The following FAM117A variants were observed in gnomAD, a reference collection of about 807,000 sequenced individuals.
The protein encoded by FAM117A is protein FAM117A.
A neutral mutation model predicts 44.1 loss-of-function variants in FAM117A; 21 were observed. That is an observed-to-expected ratio of 0.48 (90% CI 0.34 to 0.69). FAM117A has a LOEUF of 0.69. Ranked by LOEUF, FAM117A falls within the 30% of genes least tolerant of loss-of-function variation. The pLI, the probability that FAM117A is intolerant of heterozygous loss-of-function variation, is 0.01. For missense variants in FAM117A, 498 were observed against 589.9 expected, an observed-to-expected ratio of 0.84 and a Z score of 1.61; for synonymous variants, 220 against 238.3, an observed-to-expected ratio of 0.92 and a Z score of 0.71.
At chr17:49,787,845 C>T (rs1001014931) in intron 1 of FAM117A, among the ~76,000 whole-genome samples, 3 of 152,202 alleles carry the variant, frequency 2.0e-5, no homozygotes, top group Non-Finnish European at 4.4e-5. Context: ...ACATTCCTTC[C>T]TCTTCCTCCG....
At position 49,763,123 on chromosome 17, in the gene FAM117A, TACACACACACACACAC is replaced by T. The variant is rs10603200; in HGVS notation, c.196+753_196+768del. ...AAAACTGCCCAGGTCTCCCCCCCGC[TACACACACACACACAC>T]ACACACACACACACACACACACACG... is the stretch of plus-strand genomic sequence containing the variant. On this transcript the variant is annotated intron_variant, in intron 1 of 7. Transcript: ENST00000240364. Among the ~76,000 whole-genome samples, 50 of 141,064 alleles carry T rather than the reference TACACACACACACACAC, an allele frequency of 3.5e-4. 1 individual carries two copies. The highest frequency in any genetic ancestry group is 6.6e-4 in the African/African-American group (25 of 37,918). The allele number at this position is 141,064 out of a possible 152,430, so 92.5% of individuals were successfully genotyped here.
At chr17:49,730,743 A>G (rs2073581105) in intron 2 of FAM117A, among the ~76,000 whole-genome samples, 1 of 152,222 alleles carries the variant, frequency 6.6e-6, no homozygotes. Context: ...TCCAAAGGAT[A>G]AAGGGAATGG....
intron 7 of FAM117A, among the ~76,000 whole-genome samples, chr17:49,714,557 C>T (rs1046409208): frequency 3.3e-5 from 5 of 151,832 alleles, no homozygotes; most frequent in Admixed American, 2.6e-4. Flanking sequence ...AGGCTGGTCT[C>T]GAACTCCTGG....
intron 1 of FAM117A, among the ~76,000 whole-genome samples, chr17:49,782,128 C>T (rs978879819): frequency 4.6e-5 from 7 of 152,024 alleles, no homozygotes; most frequent in Non-Finnish European, 4.4e-5. Context: ...GTAATCCCAG[C>T]ACTTTGGGAG....
intron 1 of FAM117A, among the ~76,000 whole-genome samples, chr17:49,778,277 C>A (rs1432609310): frequency 6.6e-6 from 1 of 152,202 alleles, no homozygotes; most frequent in East Asian, 1.9e-4. Context: ...GAACACATTT[C>A]TTGAGTCCCT....
At chr17:49,718,441 G>A (rs891890249) in intron 5 of FAM117A, among the ~76,000 whole-genome samples, 1 of 152,146 alleles carries the variant, frequency 6.6e-6, no homozygotes, top group Non-Finnish European at 1.5e-5. Context: ...GGCTGAGGCG[G>A]GCGGATCACG....
intron 1 of FAM117A, among the ~76,000 whole-genome samples, chr17:49,736,781 C>T (rs568790196): frequency 3.9e-5 from 6 of 152,346 alleles, no homozygotes; most frequent in African/African-American, 1.4e-4. Context: ...CCTTCTGCAT[C>T]CACTGGAATC....
chr17:49,732,813 G>A, intron 1 of FAM117A, 93 bp from the exon 2 acceptor site: 1 of 1,362,194 alleles, frequency 7.3e-7, no homozygotes, highest in Non-Finnish European at 1.0e-6. Flanking sequence ...TGGCCTGCCT[G>A]CCCCGTCTTC....
intron 1 of FAM117A, 74 bp downstream of exon 1, chr17:49,763,818 T>TC: frequency 1.1e-5 from 2 of 190,368 alleles, no homozygotes; most frequent in Non-Finnish European, 1.5e-5. Flanking sequence ...CTTCTCCCCG[T>TC]CCCCCTCCCG....
At chr17:49,784,891 C>T (rs2073801099) in intron 1 of FAM117A, among the ~76,000 whole-genome samples, 1 of 152,130 alleles carries the variant, frequency 6.6e-6, no homozygotes, top group Admixed American at 6.5e-5. Flanking sequence ...TGCCTGGTAC[C>T]TGGGTGATTA....
intron 1 of FAM117A, among the ~76,000 whole-genome samples, chr17:49,780,608 G>C (rs2073786887): frequency 6.6e-6 from 1 of 152,194 alleles, no homozygotes; most frequent in Admixed American, 6.5e-5. Flanking sequence ...GGCCTCAAGT[G>C]ATCTGCCTGT....
In FAM117A at chr17:49,733,532, G is replaced by C. The variant is rs1348756191; in HGVS notation, c.197-812C>G. ...TACTAAAAATACAAAAATTAGCCGG[G>C]CGTGGTGGAGGGTGCCTGTAATCCC... On this transcript the variant is annotated intron_variant, in intron 1 of 7. Coordinates refer to ENST00000240364, the MANE Select transcript of FAM117A (RefSeq NM_030802.4). 2.0e-5 allele frequency among the ~76,000 whole-genome samples: 3 copies of C among 151,994 alleles called. No individual in the cohort carries two copies. In the East Asian group the frequency reaches 5.8e-4, roughly 29 times the overall value.
chr17:49,719,261 CAA>C (rs1287097718), intron 5 of FAM117A, among the ~76,000 whole-genome samples: 6 of 133,426 alleles, frequency 4.5e-5, no homozygotes, highest in Admixed American at 7.5e-5. Context: ...AACTCCATCT[CAA>C]AAAAAAAAAA....
chr17:49,778,058 A>T (rs924207861), intron 1 of FAM117A, among the ~76,000 whole-genome samples: 6 of 152,238 alleles, frequency 3.9e-5, no homozygotes, highest in Non-Finnish European at 1.5e-5. Flanking sequence ...TGATCTCAAA[A>T]GGTCAACGGA....
At chr17:49,745,557 G>A (rs1337505770) in intron 1 of FAM117A, among the ~76,000 whole-genome samples, 3 of 152,178 alleles carry the variant, frequency 2.0e-5, no homozygotes, top group Non-Finnish European at 4.4e-5. Flanking sequence ...ATCTCCTAAA[G>A]TGACATTTTA....
rs776202306 is a variant in FAM117A at position 49,720,357 on chromosome 17, A to T, written c.542T>A (p.Leu181Gln). The T allele has an allele frequency of 3.1e-6, 5 of 1,613,916 alleles. No individual in the cohort carries two copies. Among genetic ancestry groups the T allele is most frequent in the Non-Finnish European group, 4.2e-6 (5 of 1,179,984 alleles). ...TGCTCCCCGCACTGCGTGGTCCCCT[A>T]GGAGTGGTGAACCTCGCTCCTTCTC... ...GKEKERGSPL[L>Q]GDHAVRGALR... is the part of the protein sequence containing the mutation. The change falls in exon 4 of 8, where the codon CTA (leucine) becomes CAA (glutamine). Residue 181 changes from leucine to glutamine, a missense_variant. Transcript: ENST00000240364.
intron 1 of FAM117A, among the ~76,000 whole-genome samples, chr17:49,752,082 C>T (rs1567834191): frequency 6.6e-6 from 1 of 151,952 alleles, no homozygotes; most frequent in Non-Finnish European, 1.5e-5. Context: ...ATAGTGAGAT[C>T]CCATCTCTAT....
intron 1 of FAM117A, among the ~76,000 whole-genome samples, chr17:49,743,856 G>A (rs1412919852): frequency 6.6e-6 from 1 of 152,050 alleles, no homozygotes; most frequent in East Asian, 1.9e-4. Context: ...GCTTGAGCCC[G>A]AGAGGTTGAG....
intron 1 of FAM117A, among the ~76,000 whole-genome samples, chr17:49,743,940 G>C (rs1012954540): frequency 6.6e-6 from 1 of 151,430 alleles, no homozygotes; most frequent in African/African-American, 2.4e-5. Context: ...AAAAAAAAAA[G>C]GTTGGGGGGG....
Sources: gnomAD v4.1 joint callset for allele counts (sites outside exome capture counted in the v4.1 genomes callset) on GRCh38, gnomAD v4.1.1 for gene constraint, MANE v1.5 for transcripts, NCBI Gene and HGNC (gene_info 2026-07-23, HGNC 2026-07-21) for gene names.